OR9Q1: variants seen among roughly 807,000 people sequenced by gnomAD.
OR9Q1 encodes olfactory receptor 9Q1.
For synonymous variants in OR9Q1, 153 were observed against 148.6 expected (o/e 1.03, Z -0.22); for missense variants, 374 against 378.8 (o/e 0.99, Z 0.11).
In OR9Q1 at chr11:58,154,148, A is replaced by C. The variant is rs148168836; in HGVS notation, c.-14-25283A>C. Among the ~76,000 whole-genome samples, 761 of 149,904 alleles carry C rather than the reference A, an allele frequency of 5.1e-3. 6 individuals are homozygous for C. Among genetic ancestry groups the C allele is most frequent in the African/African-American group, 0.018 (723 of 40,766 alleles). ...GAGGAGGAGGAGGAAGTTGAGAAGG[A>C]GGAAGAGGAGAAGGAGGAGGAGAAG... On this transcript the variant is annotated intron_variant, in intron 2 of 2. Transcript: ENST00000335397.
chr11:58,032,524 C>T (rs1241451170), intron 1 of OR9Q1, among the ~76,000 whole-genome samples: 2 of 152,216 alleles, frequency 1.3e-5, no homozygotes, highest in Admixed American at 6.5e-5. Context: ...AGAAAAGATT[C>T]CCTACTCAAT....
chr11:58,053,407 A>G (rs371410594), intron 1 of OR9Q1, among the ~76,000 whole-genome samples: 3,096 of 125,578 alleles, frequency 0.025, 57 homozygotes, highest in East Asian at 0.056. Context: ...ATGAGAACAC[A>G]TGGACACAGG....
intron 2 of OR9Q1, among the ~76,000 whole-genome samples, chr11:58,127,874 T>G (rs1394627195): frequency 6.6e-6 from 1 of 152,230 alleles, no homozygotes; most frequent in Admixed American, 6.5e-5. Context: ...TGTCCAAGAC[T>G]GCAGCCTGAG....
intron 1 of OR9Q1, chr11:58,031,357 C>G (rs971685072): frequency 2.5e-6 from 4 of 1,614,088 alleles, no homozygotes; most frequent in Admixed American, 1.7e-5. Context: ...TGCCTCTCCA[C>G]TATGGGGCTT....
chr11:58,112,832 C>T (rs1853915865), intron 2 of OR9Q1, among the ~76,000 whole-genome samples: 1 of 152,120 alleles, frequency 6.6e-6, no homozygotes, highest in South Asian at 2.1e-4. Context: ...CTTGTTTTTC[C>T]AGTGTTTAGG....
intron 2 of OR9Q1, among the ~76,000 whole-genome samples, chr11:58,137,942 G>C (rs889487589): frequency 1.3e-5 from 2 of 152,182 alleles, no homozygotes; most frequent in Admixed American, 1.3e-4. Context: ...GAGCAGAAGA[G>C]AGACCATTGT....
chr11:58,176,541 C>T (rs958516500), intron 2 of OR9Q1, among the ~76,000 whole-genome samples: 9 of 152,136 alleles, frequency 5.9e-5, no homozygotes, highest in Admixed American at 5.9e-4. Flanking sequence ...GCTGTCCCTG[C>T]CTGGAATTGA....
At chr11:58,112,860 A>G (rs1048074268) in intron 2 of OR9Q1, among the ~76,000 whole-genome samples, 1 of 152,164 alleles carries the variant, frequency 6.6e-6, no homozygotes, top group African/African-American at 2.4e-5. Flanking sequence ...CATTGTGCAC[A>G]TGGCTGTCAG....
chr11:58,037,689 A>ATATAGTTTTTTTTTTTTTT (rs1853119570), intron 1 of OR9Q1, among the ~76,000 whole-genome samples: 1 of 6,998 alleles, frequency 1.4e-4, no homozygotes, highest in African/African-American at 4.3e-4. Context: ...ATATATATAT[A>ATATAGTTTTTTTTTTTTTT]TTTTTTTTTT....
intron 1 of OR9Q1, chr11:58,045,309 T>A (rs1456781223): frequency 6.6e-6 from 1 of 152,388 alleles, no homozygotes; most frequent in African/African-American, 2.4e-5. Flanking sequence ...CTTGGCTCAC[T>A]GCAACCTCCG....
chr11:58,033,703 C>T (rs1442152963), intron 1 of OR9Q1, among the ~76,000 whole-genome samples: 2 of 151,960 alleles, frequency 1.3e-5, no homozygotes, highest in African/African-American at 2.4e-5. Flanking sequence ...ACCTTACCAT[C>T]CCACAATATA....
intron 2 of OR9Q1, among the ~76,000 whole-genome samples, chr11:58,100,048 G>T (rs1437640599): frequency 6.6e-6 from 1 of 152,094 alleles, no homozygotes; most frequent in Non-Finnish European, 1.5e-5. Context: ...GTGTAGGCTG[G>T]TTACAAAGCT....
At chr11:58,067,759 G>A (rs1023197123) in intron 2 of OR9Q1, among the ~76,000 whole-genome samples, 2 of 152,166 alleles carry the variant, frequency 1.3e-5, no homozygotes, top group African/African-American at 2.4e-5. Flanking sequence ...GTGGAGAGGT[G>A]GGGTGATTTG....
chr11:58,046,578 T>C (rs1853218566), intron 1 of OR9Q1, among the ~76,000 whole-genome samples: 2 of 152,044 alleles, frequency 1.3e-5, no homozygotes, highest in South Asian at 4.1e-4. Context: ...TTAGAATTTC[T>C]CAGCTGATCG....
intron 2 of OR9Q1, among the ~76,000 whole-genome samples, chr11:58,100,957 TA>T (rs1480283260): frequency 2.0e-5 from 3 of 152,044 alleles, no homozygotes; most frequent in Non-Finnish European, 2.9e-5. Context: ...ATGTGGGAGC[TA>T]AAAAATTGGT....
chr11:58,052,914 A>G (rs1590558502), intron 1 of OR9Q1, among the ~76,000 whole-genome samples: 2 of 151,962 alleles, frequency 1.3e-5, no homozygotes, highest in East Asian at 1.9e-4. Flanking sequence ...ATCTCACACT[A>G]GTTAGAATGG....
chr11:58,128,605 G>A (rs1214635036), intron 2 of OR9Q1, among the ~76,000 whole-genome samples: 2 of 152,044 alleles, frequency 1.3e-5, no homozygotes, highest in African/African-American at 4.8e-5. Context: ...TTGTCACTTT[G>A]TCATCACTCA....
Position 58,098,231 on chromosome 11 carries a change from G to T in OR9Q1, c.-15+42284G>T, listed in dbSNP as rs537179720. 3.1e-3 allele frequency among the ~76,000 whole-genome samples: 470 copies of T among 152,292 alleles called. 1 individual carries two copies. Among genetic ancestry groups the T allele is most frequent in the Non-Finnish European group, 5.1e-3 (349 of 68,018 alleles). On this transcript the variant is annotated intron_variant, in intron 2 of 2. Transcript: ENST00000335397. ...GTCGTGGGGATGGAGTGGGAGTGAA[G>T]TGTTCTTAATTATAGATTCAATTTC...
rs1450705504 is a variant in OR9Q1, at chr11:58,101,346, G to C, written c.-15+45399G>C. Among the ~76,000 whole-genome samples the C allele has an allele frequency of 2.6e-5, 4 of 151,976 alleles. No individual in the cohort carries two copies. In the South Asian group the frequency reaches 6.2e-4, roughly 24 times the overall value. On this transcript the variant is annotated intron_variant, in intron 2 of 2. Transcript: ENST00000335397. ...ATGGCTATTCTGGCTCTGGTAAGGT[G>C]GTATCTCATTGTGGTTTTAATTTGC...
Sources: allele counts gnomAD v4.1 joint callset (sites outside exome capture counted in the v4.1 genomes callset), GRCh38; gene constraint gnomAD v4.1.1; transcripts MANE v1.5; gene names NCBI Gene and HGNC (gene_info 2026-07-23, HGNC 2026-07-21).